Variants in BRF1 observed in about 807,000 individuals in gnomAD.
BRF1 encodes BRF1 general transcription factor IIIB subunit.
A neutral mutation model predicts 81.7 loss-of-function variants in BRF1; 59 were observed. The observed-to-expected ratio is 0.72, with a 90% CI of 0.59 to 0.90. The LOEUF (loss-of-function observed/expected upper bound fraction) is 0.90, where lower values mean the gene tolerates loss of function less well. BRF1 is among the 40% of genes least tolerant of loss of function. The pLI is 0.00. For missense variants in BRF1, 1,050 were observed against 936.3 expected (o/e 1.12, Z -1.58); for synonymous variants, 491 against 395.6 (o/e 1.24, Z -2.86).
intron 3 of BRF1, among the ~76,000 whole-genome samples, chr14:105,268,962 G>A (rs1448361419): frequency 6.6e-6 from 1 of 152,224 alleles, no homozygotes; most frequent in African/African-American, 2.4e-5. Context: ...GAGCTATTGA[G>A]GAAACTGAGG....
In BRF1 at chr14:105,229,674, T is replaced by A. The variant is rs587727746; in HGVS notation, c.695-761A>T. ...ACAGCCTGGCAGCCCCGTGGCACCC[T>A]CAGGAGCAACAACCTAGCATCTCAG... On this transcript the variant is annotated intron_variant, in intron 6 of 17. Transcript: ENST00000547530. Among the ~76,000 whole-genome samples, 9 of 148,702 alleles carry A rather than the reference T, an allele frequency of 6.1e-5. No homozygotes were observed. The East Asian group carries it at 1.8e-3, about 30-fold the overall frequency.
At chr14:105,248,393 C>T (rs1595376205) in intron 5 of BRF1, 3 of 985,360 alleles carry the variant, frequency 3.0e-6, no homozygotes, top group South Asian at 4.7e-5. Flanking sequence ...CTGCCAGCGC[C>T]GGGAGCCGCC....
intron 6 of BRF1, 53 bp from the exon 7 acceptor site, chr14:105,228,966 A>G (rs752468724): frequency 4.5e-6 from 7 of 1,540,986 alleles, no homozygotes; most frequent in South Asian, 1.1e-5. Flanking sequence ...CCAGGGCAAC[A>G]TCTGTGGCGG....
intron 11 of BRF1, among the ~76,000 whole-genome samples, 160 bp from the exon 12 acceptor site, chr14:105,220,290 G>A (rs2141468826): frequency 6.6e-6 from 1 of 152,334 alleles, no homozygotes; most frequent in African/African-American, 2.4e-5. Context: ...CTGCCCACAT[G>A]ACCGCACCTC....
At chr14:105,247,577 T>C (rs2055204960) in intron 5 of BRF1, 1 of 985,454 alleles carries the variant, frequency 1.0e-6, no homozygotes, top group Middle Eastern at 5.2e-4. Context: ...TCACTACAAC[T>C]GTAACGACCA....
chr14:105,309,679 G>A lies in BRF1; in HGVS notation c.-162+5643C>T, dbSNP rs587660571. On this transcript the variant is annotated intron_variant, in intron 1 of 17. Coordinates refer to the BRF1 transcript ENST00000327359. This position sits in a 1 kb window ranked among gnomAD's most constrained non-coding sequence, Gnocchi z 4.0. ...TGCGCTGCCTGCGCCCAACCCAGGA[G>A]GGGAGCAGCGTGCAGGACACCGAGG... is the stretch of plus-strand genomic sequence containing the variant. Among the ~76,000 whole-genome samples, 39 of 152,300 alleles carry A rather than the reference G, an allele frequency of 2.6e-4. No homozygotes were observed. Among genetic ancestry groups the A allele is most frequent in the African/African-American group, 9.4e-4 (39 of 41,572 alleles).
chr14:105,303,523 G>A (rs587734806), upstream of BRF1, among the ~76,000 whole-genome samples: 5 of 152,372 alleles, frequency 3.3e-5, no homozygotes, highest in South Asian at 6.2e-4. Flanking sequence ...GACTATGGGC[G>A]TGAGCCATCG....
At chr14:105,287,506 C>T (rs1009201971) in intron 1 of BRF1, among the ~76,000 whole-genome samples, 2 of 151,966 alleles carry the variant, frequency 1.3e-5, no homozygotes, top group African/African-American at 4.8e-5. Flanking sequence ...CTGCTGCAAT[C>T]GGGACGCGCA....
chr14:105,241,346 T>A lies in BRF1; in HGVS notation c.613A>T (p.Met205Leu), dbSNP rs776894824. The A allele has an allele frequency of 3.1e-6, 5 of 1,612,684 alleles. No homozygotes were observed. The highest frequency in any genetic ancestry group is 3.4e-6 in the Non-Finnish European group (4 of 1,179,942). Residue 205 changes from methionine to leucine, a missense_variant, in exon 6 of 18, where the codon ATG (methionine) becomes TTG (leucine). Met to Leu is a conservative substitution (Grantham distance 15). This residue lies in a region of BRF1 where 1,043 missense variants were observed against 915.4 expected (regional missense o/e 1.14). Coordinates refer to ENST00000547530, the MANE Select transcript of BRF1 (RefSeq NM_001519.4). Reference protein sequence around the residue: ...EFGEKNHEVSMTALRLLQRMK... With the variant: ...EFGEKNHEVSLTALRLLQRMK... Reference sequence around the variant, plus strand: ...CTCTGTAGGAGCCTCAGGGCAGTCATGGACACCTCGTGGTTCTTCTCCCCG... The same window carrying A: ...CTCTGTAGGAGCCTCAGGGCAGTCAAGGACACCTCGTGGTTCTTCTCCCCG...
intron 3 of BRF1, among the ~76,000 whole-genome samples, chr14:105,265,395 G>C (rs1396258025): frequency 6.6e-6 from 1 of 152,106 alleles, no homozygotes; most frequent in South Asian, 2.1e-4. Context: ...TAAACACAAA[G>C]AAAACCACAT....
At chr14:105,283,458 G>T (rs971231192) in intron 2 of BRF1, among the ~76,000 whole-genome samples, 2 of 152,174 alleles carry the variant, frequency 1.3e-5, no homozygotes, top group Admixed American at 6.5e-5. Flanking sequence ...CTCAAGAGGG[G>T]TGGGGGCCCC....
Position 105,256,511 on chromosome 14 carries a change from T to C in BRF1, c.471+7A>G. ...GTGGGGAAAGATGCAGGACGGAGGC[T>C]GTCTACCTGGAGCAGGTCGCTGAGG... On this transcript the variant is annotated splice_region_variant and intron_variant, in intron 4 of 17. Transcript: ENST00000547530. 6.2e-7 allele frequency: 1 copy of C among 1,614,140 alleles called. No individual in the cohort carries two copies.
At chr14:105,267,820 A>C (rs1281987950) in intron 3 of BRF1, among the ~76,000 whole-genome samples, 1 of 152,204 alleles carries the variant, frequency 6.6e-6, no homozygotes, top group Non-Finnish European at 1.5e-5. Context: ...GGGCTCTGAA[A>C]GCCCATCCCA....
intron 15 of BRF1, among the ~76,000 whole-genome samples, chr14:105,215,436 G>A (rs1890966765): frequency 6.6e-6 from 1 of 151,558 alleles, no homozygotes; most frequent in African/African-American, 2.4e-5. Flanking sequence ...TGCAGTCACA[G>A]ATACAGGCAC....
chr14:105,247,054 C>A, intron 5 of BRF1: 1 of 985,466 alleles, frequency 1.0e-6, no homozygotes. Context: ...CTCCTGGAAA[C>A]TGCTTATGCC....
intron 3 of BRF1, among the ~76,000 whole-genome samples, chr14:105,268,425 G>A (rs371096203): frequency 4.6e-5 from 7 of 152,240 alleles, no homozygotes; most frequent in East Asian, 1.9e-4. Flanking sequence ...GCAGCACCCC[G>A]TTCCTCCTCC....
chr14:105,257,083 C>G (rs779675238), intron 3 of BRF1, among the ~76,000 whole-genome samples: 11 of 152,140 alleles, frequency 7.2e-5, no homozygotes, highest in Admixed American at 3.3e-4. Flanking sequence ...CCACTGGGGG[C>G]TGCGCTCGAG....
rs759572291 is a variant in BRF1, at chr14:105,217,655, G to C, written c.1661C>G (p.Pro554Arg). The C allele has an allele frequency of 4.9e-5, 79 of 1,613,156 alleles. No individual in the cohort carries two copies. Among genetic ancestry groups the C allele is most frequent in the Non-Finnish European group, 2.8e-5 (33 of 1,180,018 alleles). Residue 554 changes from proline (P) to arginine (R), a missense_variant, in exon 15 of 18, where the codon CCG becomes CGG. By Grantham distance (103) the Pro-to-Arg change is moderately radical. This residue lies in a region of BRF1 where 1,043 missense variants were observed against 915.4 expected (regional missense o/e 1.14). Transcript: ENST00000547530. The part of the protein sequence containing the change: ...RGLSSAGGGS[P>R]HREDAQPEHS... ...CTCGGGCTGTGCATCCTCCCTGTGC[G>C]GACTGCCCCCGCCGGCGCTGCTGAG...
intron 1 of BRF1, among the ~76,000 whole-genome samples, chr14:105,290,226 C>T (rs1413479882): frequency 6.6e-6 from 1 of 152,012 alleles, no homozygotes; most frequent in African/African-American, 2.4e-5. Context: ...TCGAGACCAG[C>T]CTAACCAACA....
Sources: gnomAD v4.1 joint callset for allele counts (sites outside exome capture counted in the v4.1 genomes callset) on GRCh38, gnomAD v4.1.1 for gene constraint, gnomAD v4.1.1 regional missense constraint, Gnocchi (gnomAD v3.1) non-coding constraint, MANE v1.5 for transcripts, NCBI Gene and HGNC (gene_info 2026-07-23, HGNC 2026-07-21) for gene names.